The following METTL25 variants were observed in gnomAD, a reference collection of about 807,000 sequenced individuals.
METTL25 encodes the protein methyltransferase like 25, also known as probable methyltransferase-like protein 25.
A neutral mutation model predicts 71.6 loss-of-function variants in METTL25; 64 were observed. That is an observed-to-expected ratio of 0.89 (90% confidence interval 0.73 to 1.10). The LOEUF is 1.10. Among genes scored for constraint, METTL25 ranks in the 50% least tolerant of loss-of-function variants. The pLI is 0.00. For missense variants in METTL25, 807 were observed against 707.0 expected (o/e 1.14, Z -1.60); for synonymous variants, 287 against 250.3 (o/e 1.15, Z -1.38).
chr12:82,368,389 C>A (rs1296266110), intron 1 of METTL25, among the ~76,000 whole-genome samples: 1 of 152,122 alleles, frequency 6.6e-6, no homozygotes, highest in Non-Finnish European at 1.5e-5. Flanking sequence ...GACACACACC[C>A]CTGGAATTGT....
chr12:82,475,280 G>A (rs949497874), intron 9 of METTL25, among the ~76,000 whole-genome samples: 2 of 152,136 alleles, frequency 1.3e-5, no homozygotes, highest in African/African-American at 4.8e-5. Context: ...TTCAGGCCTG[G>A]ATTTAGTCCA....
chr12:82,399,239 ACTT>A lies in METTL25; in HGVS notation c.981_983del (p.Ser328del), dbSNP rs1886367177. 1 of 1,613,560 alleles carries A rather than the reference ACTT, an allele frequency of 6.2e-7. No individual in the cohort carries two copies. Among genetic ancestry groups the A allele is most frequent in the Admixed American group, 1.7e-5 (1 of 59,976 alleles). On this transcript the variant is annotated inframe_deletion, in exon 4 of 12. Transcript: ENST00000248306. ...TTTGCCTATTAATGCTGTAGAGCCT[ACTT>A]CTTCACAGCAAATACCCAACAGAGA...
intron 1 of METTL25, among the ~76,000 whole-genome samples, chr12:82,378,182 G>A (rs1390983855): frequency 1.3e-5 from 2 of 152,168 alleles, no homozygotes; most frequent in Non-Finnish European, 2.9e-5. Flanking sequence ...TGATACCAAT[G>A]ACAGTCACTG....
chr12:82,386,826 T>C lies in METTL25; in HGVS notation c.283T>C (p.Phe95Leu), dbSNP rs1170190872. The change falls in exon 2 of 12, where the codon TTT becomes CTT. Residue 95 changes from phenylalanine (F) to leucine (L), a missense_variant. Phe to Leu is a conservative substitution (Grantham distance 22). Coordinates refer to ENST00000248306, the MANE Select transcript of METTL25 (RefSeq NM_032230.3). ...AGGTATGACTGATTTTCCCAAAATA[T>C]TTTGTGAAACTTCTCAGAAGTTGGT... is the stretch of plus-strand genomic sequence containing the variant. ...EAGMTDFPKI[F>L]CETSQKLVSV... 2 of 1,613,022 alleles carry C rather than the reference T, an allele frequency of 1.2e-6. No homozygotes were observed.
chr12:82,471,600 A>G (rs1892573359), intron 9 of METTL25, among the ~76,000 whole-genome samples: 1 of 152,226 alleles, frequency 6.6e-6, no homozygotes, highest in Admixed American at 6.5e-5. Flanking sequence ...ACATTAGGGC[A>G]CATTGTTCTT....
intron 5 of METTL25, among the ~76,000 whole-genome samples, chr12:82,411,007 T>A (rs1887518436): frequency 6.6e-6 from 1 of 152,108 alleles, no homozygotes; most frequent in Admixed American, 6.6e-5. Context: ...CACTAAATCA[T>A]AAGATACATG....
Position 82,460,939 on chromosome 12 carries a change from G to A in METTL25, c.1572+4119G>A, listed in dbSNP as rs533303175. Among the ~76,000 whole-genome samples, 12 of 152,234 alleles carry A rather than the reference G, an allele frequency of 7.9e-5. No individual in the cohort carries two copies. The South Asian group carries it at 1.7e-3, about 21-fold the overall frequency. ...CGGGCGGATCACAAGGTTAGGAGAT[G>A]GAGACCATCCTGGCTAACACAGTGA... On this transcript the variant is annotated intron_variant, in intron 9 of 11. Transcript: ENST00000248306.
chr12:82,462,123 C>CA (rs113506706), intron 9 of METTL25, among the ~76,000 whole-genome samples: 22 of 152,288 alleles, frequency 1.4e-4, no homozygotes, highest in African/African-American at 4.6e-4. Context: ...TGTGCACTCT[C>CA]AATTTATAAG....
At chr12:82,364,635 T>C (rs896633385) in intron 1 of METTL25, among the ~76,000 whole-genome samples, 2 of 152,302 alleles carry the variant, frequency 1.3e-5, no homozygotes, top group South Asian at 2.1e-4. Context: ...ACCTACCTTC[T>C]AGGACAGCAA....
chr12:82,410,799 T>C (rs1156953627), intron 5 of METTL25, among the ~76,000 whole-genome samples: 1 of 152,070 alleles, frequency 6.6e-6, no homozygotes, highest in Non-Finnish European at 1.5e-5. Flanking sequence ...AAACTAATAA[T>C]GGTCCCCAAC....
chr12:82,419,372 G>T (rs930036986), intron 5 of METTL25, among the ~76,000 whole-genome samples: 33 of 152,218 alleles, frequency 2.2e-4, no homozygotes, highest in African/African-American at 7.9e-4. Flanking sequence ...GAAGGGAAAA[G>T]ATAGACATCA....
intron 11 of METTL25, 49 bp downstream of exon 11, chr12:82,477,401 G>T: frequency 2.1e-6 from 2 of 940,622 alleles, no homozygotes; most frequent in Non-Finnish European, 3.2e-6. Context: ...ATTAAATACA[G>T]TAATATAGAG....
At chr12:82,428,997 A>G (rs1398421887) in intron 5 of METTL25, among the ~76,000 whole-genome samples, 1 of 151,896 alleles carries the variant, frequency 6.6e-6, no homozygotes, top group East Asian at 1.9e-4. Flanking sequence ...AAGCCAGGGT[A>G]TTCAGGATAT....
chr12:82,442,080 C>T (rs536968871), intron 8 of METTL25, among the ~76,000 whole-genome samples: 10 of 152,076 alleles, frequency 6.6e-5, no homozygotes, highest in African/African-American at 1.9e-4. Flanking sequence ...CATATGACAC[C>T]CCTCGTTTCC....
intron 5 of METTL25, among the ~76,000 whole-genome samples, chr12:82,413,674 C>A (rs1489917702): frequency 6.6e-6 from 1 of 151,940 alleles, no homozygotes; most frequent in East Asian, 1.9e-4. Context: ...TCTGATGATA[C>A]CATTCTATAA....
intron 5 of METTL25, among the ~76,000 whole-genome samples, chr12:82,420,152 A>G (rs73153504): frequency 0.062 from 9,435 of 152,268 alleles, 342 homozygotes; most frequent in Middle Eastern, 0.12. Context: ...GAAATCTAAA[A>G]TAGTCAAACA....
chr12:82,386,142 G>T (rs1884967345), intron 1 of METTL25, among the ~76,000 whole-genome samples: 2 of 152,132 alleles, frequency 1.3e-5, no homozygotes, highest in African/African-American at 4.8e-5. Context: ...TTTTCACCAG[G>T]TTATAACCTG....
intron 9 of METTL25, among the ~76,000 whole-genome samples, chr12:82,462,174 C>T (rs1312856780): frequency 6.6e-6 from 1 of 152,144 alleles, no homozygotes; most frequent in African/African-American, 2.4e-5. Flanking sequence ...CTGTACCAGG[C>T]GATGCTTCCA....
At chr12:82,459,798 A>G (rs576399453) in intron 9 of METTL25, 1 of 152,328 alleles carries the variant, frequency 6.6e-6, no homozygotes, top group African/African-American at 2.4e-5. Context: ...CAAGCTTAGG[A>G]AGATCAGTTA....
Sources: gnomAD v4.1 joint callset for allele counts (sites outside exome capture counted in the v4.1 genomes callset) on GRCh38, gnomAD v4.1.1 for gene constraint, MANE v1.5 for transcripts, NCBI Gene and HGNC (gene_info 2026-07-23, HGNC 2026-07-21) for gene names.